Variants in JCAD observed in about 807,000 individuals in gnomAD.
The protein encoded by JCAD is junctional cadherin 5 associated, also known as junctional cadherin 5-associated protein.
Under a neutral mutation model 98.0 loss-of-function variants are expected in JCAD, and 40 were observed. The observed-to-expected ratio is 0.41, with a 90% CI of 0.32 to 0.53. The LOEUF (loss-of-function observed/expected upper bound fraction) is 0.53, where lower values mean the gene tolerates loss of function less well. Ranked by LOEUF, JCAD falls within the 20% of genes least tolerant of loss-of-function variation. The probability of loss-of-function intolerance (pLI) is 0.31; values close to 1 mark genes in which losing one functional copy is unlikely to be tolerated. For synonymous variants in JCAD, 691 were observed against 682.3 expected, an observed-to-expected ratio of 1.01 and a Z score of -0.20; for missense variants, 1,705 against 1,738.1, an observed-to-expected ratio of 0.98 and a Z score of 0.34.
intron 2 of JCAD, among the ~76,000 whole-genome samples, chr10:30,039,378 G>C (rs896938719): frequency 2.0e-5 from 3 of 152,200 alleles, no homozygotes; most frequent in African/African-American, 7.2e-5. Flanking sequence ...ACAACGTGAG[G>C]CCCTTCCCAC....
At chr10:30,056,282 A>G (rs754311070) in intron 1 of JCAD, among the ~76,000 whole-genome samples, 17 of 152,222 alleles carry the variant, frequency 1.1e-4, no homozygotes, top group Non-Finnish European at 2.5e-4. Context: ...GAATAAAAAA[A>G]AGCCAAGTCT....
rs1428560059 is a variant in JCAD at position 30,026,909 on chromosome 10, T to C, written c.3239A>G (p.Glu1080Gly). 3.1e-6 allele frequency: 5 copies of C among 1,613,918 alleles called. No individual in the cohort carries two copies. The highest frequency in any genetic ancestry group is 4.2e-6 in the Non-Finnish European group (5 of 1,179,986). ...CCTTGCAGCCCTGGCTTGCAAGGAC[T>C]CACCTGGGGGGATTTCTATTGTGCT... ...EASTIEIPPG[E>G]SLQARAARIL... is the part of the protein sequence containing the mutation. Residue 1080 changes from glutamate to glycine, a missense_variant, in exon 3 of 4, where the codon GAG becomes GGG. By Grantham distance (98) the Glu-to-Gly change is moderately conservative. Coordinates refer to ENST00000375377, the MANE Select transcript of JCAD (RefSeq NM_020848.4).
upstream of JCAD, among the ~76,000 whole-genome samples, chr10:30,060,942 C>A (rs1052391210): frequency 7.2e-5 from 11 of 152,124 alleles, no homozygotes; most frequent in Non-Finnish European, 1.6e-4. Flanking sequence ...AAAAGCTAAA[C>A]ACACTATTGC....
intron 1 of JCAD, among the ~76,000 whole-genome samples, chr10:30,073,702 CTTCCTTCT>C (rs1242448917): frequency 8.3e-5 from 12 of 145,418 alleles, no homozygotes; most frequent in Non-Finnish European, 1.8e-4. Flanking sequence ...TCCTTCCTTC[CTTCCTTCT>C]TTCCTTCTTT....
intron 2 of JCAD, among the ~76,000 whole-genome samples, chr10:30,038,702 A>AAAAAAAAAAAAG (rs1554796973): frequency 6.6e-6 from 1 of 150,572 alleles, no homozygotes; most frequent in African/African-American, 2.4e-5. Flanking sequence ...AAAAAAAAAA[A>AAAAAAAAAAAAG]AAAGAAAGAA....
intron 1 of JCAD, among the ~76,000 whole-genome samples, chr10:30,050,314 CAAAAAAAAAAA>C (rs61421356): frequency 8.1e-4 from 34 of 41,760 alleles, no homozygotes; most frequent in Middle Eastern, 0.037. Flanking sequence ...GACCCTGTCT[CAAAAAAAAAAA>C]AAAAAAAAAA....
intron 2 of JCAD, 122 bp from the exon 3 acceptor site, chr10:30,029,988 T>A: frequency 9.0e-7 from 1 of 1,107,808 alleles, no homozygotes; most frequent in Non-Finnish European, 1.3e-6. Context: ...CCAGCCACAG[T>A]ACTTGCCAGC....
upstream of JCAD, among the ~76,000 whole-genome samples, chr10:30,060,812 G>A (rs1351714704): frequency 6.6e-5 from 10 of 152,162 alleles, 1 homozygote; most frequent in Admixed American, 5.9e-4. Flanking sequence ...GGCACAGATG[G>A]CAAGCTGCAG....
intron 1 of JCAD, among the ~76,000 whole-genome samples, chr10:30,094,603 A>G (rs920994309): frequency 5.3e-5 from 8 of 152,208 alleles, no homozygotes; most frequent in African/African-American, 1.9e-4. Context: ...TGTTGAAAGC[A>G]GACGAGTGCT....
At chr10:30,093,529 T>C (rs1037590377) in intron 1 of JCAD, among the ~76,000 whole-genome samples, 5 of 152,228 alleles carry the variant, frequency 3.3e-5, no homozygotes, top group African/African-American at 9.6e-5. Flanking sequence ...GAAAGAGGCT[T>C]GCTGGCTCGC....
At chr10:30,051,636 T>C (rs1837473789) in intron 1 of JCAD, among the ~76,000 whole-genome samples, 1 of 152,124 alleles carries the variant, frequency 6.6e-6, no homozygotes, top group Admixed American at 6.5e-5. Context: ...TGGACTTAAT[T>C]TGAATAGACA....
chr10:30,070,632 AAC>A (rs1564462645), intron 1 of JCAD, among the ~76,000 whole-genome samples: 21 of 152,218 alleles, frequency 1.4e-4, no homozygotes, highest in African/African-American at 4.8e-4. Context: ...AGGTTACTGT[AAC>A]TAACTGGTCA....
rs1836874455 is a variant in JCAD at position 30,028,006 on chromosome 10, A to G, written c.2142T>C (p.Ser714=). 3 of 1,614,094 alleles carry G rather than the reference A, an allele frequency of 1.9e-6. No homozygotes were observed. The highest frequency in any genetic ancestry group is 2.5e-6 in the Non-Finnish European group (3 of 1,180,020). Residue 714 remains serine, a synonymous_variant, in exon 3 of 4, where the codon AGT becomes AGC. Coordinates refer to ENST00000375377, the MANE Select transcript of JCAD (RefSeq NM_020848.4). ...AACATTTTGGACTCAATGCTGCACG[A>G]CTCGGCCCTCCCAGCTTTGCACCAG... ...LLPGAKLGGP[S]RAALSPKCSD... is the part of the protein sequence containing the mutation.
intron 1 of JCAD, among the ~76,000 whole-genome samples, chr10:30,111,501 G>A (rs1158811551): frequency 6.6e-6 from 1 of 152,182 alleles, no homozygotes; most frequent in Admixed American, 6.5e-5. Context: ...TAAGTACTGA[G>A]ATGCAATAGT....
intron 1 of JCAD, among the ~76,000 whole-genome samples, chr10:30,081,777 C>A (rs145699877): frequency 6.6e-6 from 1 of 152,126 alleles, no homozygotes; most frequent in Non-Finnish European, 1.5e-5. Flanking sequence ...GCAGCAGTAC[C>A]GACATGCCGC....
At chr10:30,093,851 T>G (rs1022685867) in intron 1 of JCAD, among the ~76,000 whole-genome samples, 16 of 152,078 alleles carry the variant, frequency 1.1e-4, no homozygotes, top group African/African-American at 3.6e-4. Context: ...TTTGCAAGAG[T>G]CTCCAAATTA....
chr10:30,092,053 A>AT (rs1838280317), intron 1 of JCAD, among the ~76,000 whole-genome samples: 3 of 27,548 alleles, frequency 1.1e-4, no homozygotes, highest in African/African-American at 4.3e-4. Flanking sequence ...AAAAAAAAAA[A>AT]AAAAAAAAAA....
intron 1 of JCAD, among the ~76,000 whole-genome samples, chr10:30,092,056 A>ACATATATATATATATATAT (rs1838281033): frequency 7.5e-5 from 2 of 26,842 alleles, no homozygotes; most frequent in East Asian, 1.1e-3. Flanking sequence ...AAAAAAAAAA[A>ACATATATATATATATATAT]AAAAAAAAAT....
chr10:30,048,926 T>C (rs1197714648), intron 1 of JCAD, among the ~76,000 whole-genome samples: 3 of 152,160 alleles, frequency 2.0e-5, no homozygotes, highest in Admixed American at 2.0e-4. Flanking sequence ...GAAAAGTTTT[T>C]GCATCTCTCA....
Sources: allele counts gnomAD v4.1 joint callset (sites outside exome capture counted in the v4.1 genomes callset), GRCh38; gene constraint gnomAD v4.1.1; transcripts MANE v1.5; gene names NCBI Gene and HGNC (gene_info 2026-07-23, HGNC 2026-07-21).